PLEK2: variants seen among roughly 807,000 people sequenced by gnomAD.
PLEK2 encodes pleckstrin-2.
In PLEK2, 29 loss-of-function variants were observed where a neutral mutation model predicts 43.8. That is an observed-to-expected ratio of 0.66 (90% CI 0.49 to 0.90). The LOEUF is 0.90. Ranked by LOEUF, PLEK2 falls within the 40% of genes least tolerant of loss-of-function variation. PLEK2 has a pLI of 0.00. For synonymous variants in PLEK2, 162 were observed against 173.2 expected (o/e 0.94, Z 0.51); for missense variants, 398 against 448.1 (o/e 0.89, Z 1.01).
chr14:67,412,001 G>A lies in PLEK2; in HGVS notation c.42+17C>T, dbSNP rs1253407410. 3 of 1,542,264 alleles carry A rather than the reference G, an allele frequency of 1.9e-6. No homozygotes were observed. The highest frequency in any genetic ancestry group is 1.7e-6 in the Non-Finnish European group (2 of 1,145,706). On this transcript the variant is annotated intron_variant, in intron 1 of 8. Transcript: ENST00000216446. ...GGCCCCACCCGGGCAATGTCCCGAA[G>A]CTCGACGCGCACTCACCCTCTTGAC...
In PLEK2 at chr14:67,397,774, G is replaced by A. The variant is rs775524928; in HGVS notation, c.95C>T (p.Thr32Met). ...CCCCTCAAGCTTGTAGTACACCAGCGTGTTCTGCCGAAGGATGAACCATCG... is the reference window on the plus strand; with the variant it reads ...CCCCTCAAGCTTGTAGTACACCAGCATGTTCTGCCGAAGGATGAACCATCG... ...KARWFILRQN[T>M]LVYYKLEGGR... The change falls in exon 2 of 9, where the codon ACG becomes ATG. Residue 32 changes from threonine (T) to methionine (M), a missense_variant. By Grantham distance (81) the Thr-to-Met change is moderately conservative. Coordinates refer to ENST00000216446, the MANE Select transcript of PLEK2 (RefSeq NM_016445.3). 24 of 1,613,242 alleles carry A rather than the reference G, an allele frequency of 1.5e-5. No individual in the cohort carries two copies. Among genetic ancestry groups the A allele is most frequent in the Middle Eastern group, 1.6e-4 (1 of 6,062 alleles).
chr14:67,412,107 C>T lies in PLEK2; in HGVS notation c.-48G>A, dbSNP rs751264391. 2.7e-6 allele frequency: 4 copies of T among 1,463,070 alleles called. No homozygotes were observed. In the South Asian group the frequency reaches 4.0e-5, roughly 15 times the overall value. The allele number at this position is 1,463,070 out of a possible 1,614,324, so 90.6% of individuals were successfully genotyped here. A position where few individuals can be genotyped will look rare whatever the true frequency, so the allele number is the denominator to read the frequency against. On this transcript the variant is annotated 5_prime_UTR_variant, in exon 1 of 9. Transcript: ENST00000216446. ...CACCCCAGGTGCGCCTTCCCCGCGC[C>T]TCGCGCTCCTCGGCACCCGCGCAGC...
At chr14:67,411,973 C>T (rs1566634323) in intron 1 of PLEK2, 45 bp downstream of exon 1, 1 of 1,500,214 alleles carries the variant, frequency 6.7e-7, no homozygotes, top group Non-Finnish European at 8.9e-7. Context: ...GCCGCGTCGG[C>T]GGGGCCCCAC....
intron 1 of PLEK2, among the ~76,000 whole-genome samples, chr14:67,411,667 A>G (rs1555853): frequency 0.081 from 12,260 of 152,276 alleles, 1,290 homozygotes; most frequent in East Asian, 0.43. Flanking sequence ...GTTGTAAATT[A>G]CAGAGCACGC....
chr14:67,391,437 G>A (rs532124143), intron 6 of PLEK2, among the ~76,000 whole-genome samples: 8 of 151,976 alleles, frequency 5.3e-5, no homozygotes, highest in South Asian at 2.1e-4. Context: ...TCCTCCCCTC[G>A]GGAAGGACTC....
chr14:67,394,569 A>G (rs1377862012), intron 3 of PLEK2, among the ~76,000 whole-genome samples: 1 of 151,522 alleles, frequency 6.6e-6, no homozygotes, highest in East Asian at 1.9e-4. Flanking sequence ...GACCCATAGG[A>G]GGTGTACAGT....
At chr14:67,406,381 T>C (rs1364766443) in intron 1 of PLEK2, among the ~76,000 whole-genome samples, 2 of 152,132 alleles carry the variant, frequency 1.3e-5, no homozygotes, top group African/African-American at 4.8e-5. Context: ...GTTAGGTACA[T>C]TCCCAGGAGT....
chr14:67,406,133 C>T (rs962225144), intron 1 of PLEK2, among the ~76,000 whole-genome samples: 1 of 151,890 alleles, frequency 6.6e-6, no homozygotes, highest in East Asian at 1.9e-4. Context: ...GTGGTGGGTG[C>T]CTGTAGTCCC....
At chr14:67,402,600 T>C (rs1354827831) in intron 1 of PLEK2, among the ~76,000 whole-genome samples, 2 of 152,306 alleles carry the variant, frequency 1.3e-5, no homozygotes, top group Non-Finnish European at 2.9e-5. Context: ...TCCCAGCCTC[T>C]GGTAACCATC....
Position 67,393,248 on chromosome 14 carries a change from G to A in PLEK2, c.390-7C>T, listed in dbSNP as rs1367301612. The A allele has an allele frequency of 1.2e-6, 2 of 1,606,174 alleles. No homozygotes were observed. The highest frequency in any genetic ancestry group is 1.7e-6 in the Non-Finnish European group (2 of 1,172,766). On this transcript the variant is annotated splice_region_variant and splice_polypyrimidine_tract_variant and intron_variant, in intron 3 of 8. Coordinates refer to ENST00000216446, the MANE Select transcript of PLEK2 (RefSeq NM_016445.3). ...CATCTTGTCCACAATGCGACTACAT[G>A]GAAGGGAAGGCAAAGGAGAGGGAAC...
chr14:67,403,454 T>A (rs2139884650), intron 1 of PLEK2, among the ~76,000 whole-genome samples: 1 of 152,362 alleles, frequency 6.6e-6, no homozygotes, highest in South Asian at 2.1e-4. Flanking sequence ...TGGGTGTTTT[T>A]GTCTGACTGT....
intron 1 of PLEK2, among the ~76,000 whole-genome samples, chr14:67,408,125 A>G (rs1271761693): frequency 6.6e-6 from 1 of 151,956 alleles, no homozygotes; most frequent in Non-Finnish European, 1.5e-5. Context: ...CGTCTCTACT[A>G]AAAATACAAA....
Position 67,393,584 on chromosome 14 carries a change from G to A in PLEK2, c.390-343C>T, listed in dbSNP as rs534968005. 2.6e-5 allele frequency among the ~76,000 whole-genome samples: 4 copies of A among 152,250 alleles called. No homozygotes were observed. In the East Asian group the frequency reaches 7.7e-4, roughly 29 times the overall value. On this transcript the variant is annotated intron_variant, in intron 3 of 8. Transcript: ENST00000216446. ...TTCTCCTGCCTCAACCTCCGGAGCA[G>A]CTGGGATTACAGACATTTGCCACCA...
intron 2 of PLEK2, among the ~76,000 whole-genome samples, 191 bp downstream of exon 2, chr14:67,397,471 C>A (rs902538587): frequency 6.6e-6 from 1 of 152,238 alleles, no homozygotes; most frequent in South Asian, 2.1e-4. Flanking sequence ...AGATGAGGAA[C>A]GAAGGCTCAG....
chr14:67,400,160 G>C (rs1216327143), intron 1 of PLEK2, among the ~76,000 whole-genome samples: 1 of 152,200 alleles, frequency 6.6e-6, no homozygotes, highest in Non-Finnish European at 1.5e-5. Flanking sequence ...ATATAACTGA[G>C]CTTTGTGAAC....
At chr14:67,405,405 A>G (rs1032310902) in intron 1 of PLEK2, among the ~76,000 whole-genome samples, 2 of 152,084 alleles carry the variant, frequency 1.3e-5, no homozygotes, top group African/African-American at 4.8e-5. Flanking sequence ...TTCATTTAAT[A>G]ATCAATGATT....
intron 7 of PLEK2, 110 bp downstream of exon 7, chr14:67,390,553 C>T (rs1446176264): frequency 3.5e-5 from 27 of 764,874 alleles, no homozygotes; most frequent in South Asian, 2.3e-4. Context: ...GACTTTACGG[C>T]GGGTGCCAGG....
At chr14:67,392,581 C>T (rs2085977236) in intron 5 of PLEK2, 81 bp downstream of exon 5, 1 of 1,355,852 alleles carries the variant, frequency 7.4e-7, no homozygotes, top group Non-Finnish European at 1.0e-6. Context: ...CCTCCCATGA[C>T]TGTGGCCCCC....
In PLEK2 at chr14:67,390,309, T is replaced by A. The variant is rs571224802; in HGVS notation, c.855+354A>T. On this transcript the variant is annotated intron_variant, in intron 7 of 8. Coordinates refer to ENST00000216446, the MANE Select transcript of PLEK2 (RefSeq NM_016445.3). ...ATTAATGGGATCTTTGAATGGAAAG[T>A]GTGGAGAGGCTGGGAAGTGCCAGTA... 1.4e-4 allele frequency among the ~76,000 whole-genome samples: 21 copies of A among 152,328 alleles called. No homozygotes were observed. In the East Asian group the frequency reaches 4.1e-3, roughly 29 times the overall value.
Sources: gnomAD v4.1 joint callset for allele counts (sites outside exome capture counted in the v4.1 genomes callset) on GRCh38, gnomAD v4.1.1 for gene constraint, MANE v1.5 for transcripts, NCBI Gene and HGNC (gene_info 2026-07-23, HGNC 2026-07-21) for gene names.